Variants in RAPGEF6 observed in about 807,000 individuals in gnomAD.
The protein encoded by RAPGEF6 is PDZ domain containing guanine nucleotide exchange factor (GEF) 2.
A neutral mutation model predicts 171.4 loss-of-function variants in RAPGEF6; 56 were observed. The observed-to-expected ratio is 0.33, with a 90% confidence interval of 0.26 to 0.41. The LOEUF is 0.41. Ranked by LOEUF, RAPGEF6 falls within the 10% of genes least tolerant of loss-of-function variation. The pLI, the probability that RAPGEF6 is intolerant of heterozygous loss-of-function variation, is 1.00. For missense variants in RAPGEF6, 1,674 were observed against 1,921.4 expected (o/e 0.87, Z 2.41); for synonymous variants, 692 against 650.1 (o/e 1.06, Z -0.98).
chr5:131,592,010 AC>A (rs1763620445), intron 4 of RAPGEF6, among the ~76,000 whole-genome samples: 1 of 152,102 alleles, frequency 6.6e-6, no homozygotes, highest in Admixed American at 6.5e-5. Context: ...GGTATGCGCC[AC>A]CACACCTAGC....
At chr5:131,444,320 G>C (rs1752558104) in intron 22 of RAPGEF6, among the ~76,000 whole-genome samples, 1 of 152,130 alleles carries the variant, frequency 6.6e-6, no homozygotes, top group African/African-American at 2.4e-5. Flanking sequence ...TCTTTGGTTA[G>C]AGCCATGAAA....
chr5:131,425,088 A>G lies in RAPGEF6; in HGVS notation c.*2178T>C, dbSNP rs1397660964. ...AGCATTTGGCTTTGGCTCCTGATCA[A>G]TGTGATCAGCTGATCTGAACACTCA... is the stretch of plus-strand genomic sequence containing the variant. On this transcript the variant is annotated 3_prime_UTR_variant, in exon 28 of 28. Transcript: ENST00000509018. 6.6e-6 allele frequency: 1 copy of G among 152,342 alleles called. No homozygotes were observed. Among genetic ancestry groups the G allele is most frequent in the Non-Finnish European group, 1.5e-5 (1 of 68,036 alleles). 9.4% of individuals were successfully genotyped at this position (152,342 alleles called of 1,614,324 possible). A position where few individuals can be genotyped will look rare whatever the true frequency, so the allele number is the denominator to read the frequency against.
intron 11 of RAPGEF6, among the ~76,000 whole-genome samples, chr5:131,500,407 C>A (rs773015591): frequency 1.3e-5 from 2 of 152,198 alleles, no homozygotes; most frequent in South Asian, 4.1e-4. Context: ...CCTAGAATAG[C>A]TGAGTGAGGG....
At chr5:131,439,352 G>A (rs548908190) in intron 24 of RAPGEF6, among the ~76,000 whole-genome samples, 9 of 152,276 alleles carry the variant, frequency 5.9e-5, no homozygotes, top group African/African-American at 2.2e-4. Flanking sequence ...CATGCTTGCT[G>A]TCTGTTGAAG....
At chr5:131,440,292 G>A (rs1025245712) in intron 23 of RAPGEF6, 1 of 453,934 alleles carries the variant, frequency 2.2e-6, no homozygotes, top group South Asian at 1.6e-5. Flanking sequence ...ATGCAGCACA[G>A]TGGAACGATT....
chr5:131,492,840 TA>T (rs1756374879), intron 13 of RAPGEF6, 55 bp from the exon 14 acceptor site: 3 of 1,501,098 alleles, frequency 2.0e-6, no homozygotes, highest in Admixed American at 1.8e-5. Context: ...TATAGGTTTT[TA>T]AAAAGTCAAC....
intron 27 of RAPGEF6, among the ~76,000 whole-genome samples, chr5:131,428,196 G>A (rs1466908419): frequency 1.3e-5 from 2 of 151,734 alleles, no homozygotes; most frequent in African/African-American, 4.8e-5. Context: ...ACTGCTTCAG[G>A]CCAGGAGTTC....
At chr5:131,431,491 T>A (rs1237876557) in intron 25 of RAPGEF6, 142 bp from the exon 26 acceptor site, 1 of 858,560 alleles carries the variant, frequency 1.2e-6, no homozygotes, top group Non-Finnish European at 1.7e-6. Context: ...GAAAACAATA[T>A]TATCATCATT....
chr5:131,603,374 A>G lies in RAPGEF6; in HGVS notation c.141-47T>C, dbSNP rs1764367619. The G allele has an allele frequency of 2.3e-6, 3 of 1,296,824 alleles. No individual in the cohort carries two copies. In the South Asian group the frequency reaches 4.2e-5, roughly 18 times the overall value. 80.3% of individuals were successfully genotyped at this position (1,296,824 alleles called of 1,614,324 possible). A position where few individuals can be genotyped will look rare whatever the true frequency, so the allele number is the denominator to read the frequency against. Reference sequence around the variant, plus strand: ...GATTTTATCTTACATTTTGTTTTTAAAATTGTTATAATTTGACCTCAACTA... The same window carrying G: ...GATTTTATCTTACATTTTGTTTTTAGAATTGTTATAATTTGACCTCAACTA... On this transcript the variant is annotated intron_variant, in intron 2 of 27. Transcript: ENST00000509018.
intron 5 of RAPGEF6, among the ~76,000 whole-genome samples, chr5:131,554,684 T>A (rs1180808561): frequency 1.3e-5 from 2 of 152,108 alleles, no homozygotes; most frequent in Non-Finnish European, 2.9e-5. Flanking sequence ...ACCTGGCTAA[T>A]TTTTGTATTT....
intron 14 of RAPGEF6, 152 bp from the exon 15 acceptor site, chr5:131,489,806 G>T: frequency 9.0e-6 from 4 of 445,228 alleles, no homozygotes; most frequent in South Asian, 1.0e-4. Flanking sequence ...CTGGACTACT[G>T]TTTTTCTTTT....
At chr5:131,443,906 CT>C (rs1752532157) in intron 22 of RAPGEF6, among the ~76,000 whole-genome samples, 2 of 152,274 alleles carry the variant, frequency 1.3e-5, no homozygotes, top group South Asian at 4.1e-4. Flanking sequence ...AGAGACAGTG[CT>C]TTTATAAATC....
chr5:131,471,339 T>A (rs1487721046), intron 17 of RAPGEF6, among the ~76,000 whole-genome samples: 2 of 152,236 alleles, frequency 1.3e-5, no homozygotes. Context: ...AGAAACCATG[T>A]GCAGAATGAC....
At chr5:131,499,812 G>GT (rs1756897945) in intron 11 of RAPGEF6, among the ~76,000 whole-genome samples, 1 of 152,036 alleles carries the variant, frequency 6.6e-6, no homozygotes, top group African/African-American at 2.4e-5. Flanking sequence ...TAACTGTGTG[G>GT]TAAACATACA....
intron 6 of RAPGEF6, among the ~76,000 whole-genome samples, chr5:131,536,675 T>C (rs1196470894): frequency 6.6e-6 from 1 of 152,066 alleles, no homozygotes; most frequent in Non-Finnish European, 1.5e-5. Flanking sequence ...CTTCTATAAT[T>C]AGAATCAGTG....
intron 13 of RAPGEF6, 102 bp from the exon 14 acceptor site, chr5:131,492,887 T>C (rs753124723): frequency 3.0e-5 from 35 of 1,159,810 alleles, no homozygotes; most frequent in South Asian, 2.2e-4. Flanking sequence ...AATATACATG[T>C]ATAAGCTGAG....
chr5:131,551,368 C>T (rs1292993380), intron 5 of RAPGEF6, among the ~76,000 whole-genome samples: 1 of 151,904 alleles, frequency 6.6e-6, no homozygotes, highest in Non-Finnish European at 1.5e-5. Flanking sequence ...CAAAAATTAG[C>T]CAGGCGCGGT....
In RAPGEF6 at chr5:131,531,383, T is replaced by C. The variant is rs3776015; in HGVS notation, c.496-9862A>G. Among the ~76,000 whole-genome samples the C allele has an allele frequency of 3.3e-5, 5 of 152,354 alleles. No individual in the cohort carries two copies. The East Asian group carries it at 9.6e-4, about 29-fold the overall frequency. On this transcript the variant is annotated intron_variant, in intron 6 of 27. Coordinates refer to ENST00000509018, the MANE Select transcript of RAPGEF6 (RefSeq NM_016340.6). ...GGCATCAAATTACAGACTATATAAA[T>C]AGCCACTGTGTATAATAAAACTCAC...
chr5:131,602,954 G>A (rs1764342977), intron 3 of RAPGEF6, among the ~76,000 whole-genome samples: 1 of 152,132 alleles, frequency 6.6e-6, no homozygotes, highest in Non-Finnish European at 1.5e-5. Context: ...TCTATACCAA[G>A]TTCAATAAGT....
Sources: allele counts gnomAD v4.1 joint callset (sites outside exome capture counted in the v4.1 genomes callset), GRCh38; gene constraint gnomAD v4.1.1; transcripts MANE v1.5; gene names NCBI Gene and HGNC (gene_info 2026-07-23, HGNC 2026-07-21).